Variants in KAZN observed in about 807,000 individuals in gnomAD.
KAZN encodes the protein kazrin, periplakin interacting protein.
KAZN carries 40 observed loss-of-function variants against 87.4 expected under a neutral mutation model. The observed-to-expected ratio is 0.46, with a 90% CI of 0.36 to 0.60. KAZN has a LOEUF of 0.60. KAZN is among the 20% of genes least tolerant of loss of function. The pLI, the probability that KAZN is intolerant of heterozygous loss-of-function variation, is 0.00. For missense variants in KAZN, 898 were observed against 1,073.9 expected (o/e 0.84, Z 2.29); for synonymous variants, 466 against 458.3 (o/e 1.02, Z -0.22).
intron 2 of KAZN, among the ~76,000 whole-genome samples, chr1:14,212,496 A>G (rs1646874070): frequency 6.6e-6 from 1 of 151,646 alleles, no homozygotes; most frequent in East Asian, 1.9e-4. Flanking sequence ...AAAAAAAAAA[A>G]GGTAAAATGA....
chr1:14,638,588 A>AC (rs1680186621), intron 1 of KAZN, among the ~76,000 whole-genome samples: 1 of 151,952 alleles, frequency 6.6e-6, no homozygotes, highest in African/African-American at 2.4e-5. Flanking sequence ...ACAAAAAAAA[A>AC]AAAACAAAAA....
chr1:14,935,773 G>A (rs1212548228), intron 1 of KAZN, among the ~76,000 whole-genome samples: 1 of 152,160 alleles, frequency 6.6e-6, no homozygotes, highest in African/African-American at 2.4e-5. Context: ...GGGGCTACTG[G>A]ATGTGTCACT....
intron 1 of KAZN, among the ~76,000 whole-genome samples, chr1:14,812,127 C>G (rs1363558548): frequency 6.6e-6 from 1 of 152,054 alleles, no homozygotes; most frequent in African/African-American, 2.4e-5. Context: ...ATGTTCAGCA[C>G]CTCCTCAGAA....
chr1:14,047,916 A>G (rs367997717), intron 1 of KAZN, among the ~76,000 whole-genome samples: 1 of 152,156 alleles, frequency 6.6e-6, no homozygotes, highest in Non-Finnish European at 1.5e-5. Flanking sequence ...AAAGAAAGAA[A>G]GAACAAAGGA....
At chr1:14,520,022 G>A (rs563270236) in intron 2 of KAZN, among the ~76,000 whole-genome samples, 1 of 152,278 alleles carries the variant, frequency 6.6e-6, no homozygotes, top group East Asian at 1.9e-4. Context: ...TGCCATAGGT[G>A]GTGGCAAGAA....
chr1:14,644,862 G>A (rs780040771), intron 1 of KAZN, among the ~76,000 whole-genome samples: 17 of 152,136 alleles, frequency 1.1e-4, no homozygotes, highest in South Asian at 6.2e-4. Flanking sequence ...TGTCTTTGTC[G>A]TGAAATCGTT....
At chr1:14,263,944 C>T (rs1053850382) in intron 2 of KAZN, among the ~76,000 whole-genome samples, 1 of 152,188 alleles carries the variant, frequency 6.6e-6, no homozygotes, top group Admixed American at 6.5e-5. Context: ...ACTGGTGGGT[C>T]GTCAGCTCCT....
intron 2 of KAZN, among the ~76,000 whole-genome samples, chr1:15,027,345 G>A (rs1238587798): frequency 6.6e-6 from 1 of 151,544 alleles, no homozygotes; most frequent in Non-Finnish European, 1.5e-5. Context: ...CTCCCAAAAT[G>A]CTGGGATGAC....
rs536239111 is a variant in KAZN at position 15,115,733 on chromosome 1, T to G, written c.*1098T>G. 1.3e-5 allele frequency: 2 copies of G among 152,226 alleles called. No homozygotes were observed. The highest frequency in any genetic ancestry group is 4.8e-5 in the African/African-American group (2 of 41,456). The allele number at this position is 152,226 out of a possible 1,614,324, so 9.4% of individuals were successfully genotyped here. A position where few individuals can be genotyped will look rare whatever the true frequency, so the allele number is the denominator to read the frequency against. On this transcript the variant is annotated 3_prime_UTR_variant, in exon 15 of 15. Coordinates refer to ENST00000376030, the MANE Select transcript of KAZN (RefSeq NM_201628.3). The surrounding 1 kb of genome is among the most constrained non-coding windows in gnomAD (Gnocchi z 4.1). ...TGCCACTGTTATGCTGTGTGGCTTC[T>G]TCCCAGTGGCCTCACCTCTCTGTGC...
At chr1:14,905,613 A>C (rs918703994) in intron 1 of KAZN, among the ~76,000 whole-genome samples, 42 of 152,344 alleles carry the variant, frequency 2.8e-4, no homozygotes, top group African/African-American at 8.9e-4. Context: ...TGGGAGGCTG[A>C]GGAGGGCGGA....
intron 1 of KAZN, among the ~76,000 whole-genome samples, chr1:14,105,464 C>A (rs947309458): frequency 6.6e-6 from 1 of 152,210 alleles, no homozygotes; most frequent in African/African-American, 2.4e-5. Flanking sequence ...GCTCCTGACC[C>A]AGACATTACT....
chr1:14,947,407 G>C (rs1316816541), intron 1 of KAZN, among the ~76,000 whole-genome samples: 1 of 152,232 alleles, frequency 6.6e-6, no homozygotes, highest in Non-Finnish European at 1.5e-5. Context: ...GCCTGGCCTT[G>C]GGGAGGGGAG....
intron 1 of KAZN, among the ~76,000 whole-genome samples, chr1:14,898,240 T>A (rs977484918): frequency 6.6e-6 from 1 of 152,124 alleles, no homozygotes; most frequent in Non-Finnish European, 1.5e-5. Context: ...AATGTTCATC[T>A]CTGGAAGAAA....
chr1:13,928,903 T>A (rs7535611), intron 1 of KAZN, among the ~76,000 whole-genome samples: 17,094 of 152,028 alleles, frequency 0.11, 1,073 homozygotes, highest in African/African-American at 0.15. Context: ...AGGCGATAGA[T>A]TCTAATCTTT....
intron 2 of KAZN, among the ~76,000 whole-genome samples, chr1:14,374,847 G>T (rs1660773261): frequency 6.6e-6 from 1 of 152,214 alleles, no homozygotes; most frequent in Admixed American, 6.5e-5. Flanking sequence ...GCCTGAATCT[G>T]TCCTGGAAAT....
chr1:14,324,782 T>C (rs531564023), intron 2 of KAZN, among the ~76,000 whole-genome samples: 1 of 152,358 alleles, frequency 6.6e-6, no homozygotes, highest in South Asian at 2.1e-4. Flanking sequence ...TATTATGTAA[T>C]AATTTGTCCA....
At chr1:14,216,584 A>G (rs185526575) in intron 2 of KAZN, among the ~76,000 whole-genome samples, 15 of 152,170 alleles carry the variant, frequency 9.9e-5, no homozygotes, top group African/African-American at 3.4e-4. Context: ...AAAGTTAGTA[A>G]AACTATACTG....
chr1:14,136,953 C>T (rs772267380), intron 1 of KAZN, among the ~76,000 whole-genome samples: 9 of 152,228 alleles, frequency 5.9e-5, no homozygotes, highest in South Asian at 2.1e-4. Context: ...GGCCACCCAA[C>T]GCCGAGGGAG....
intron 1 of KAZN, among the ~76,000 whole-genome samples, chr1:14,683,118 C>T (rs533766704): frequency 1.8e-4 from 28 of 152,250 alleles, no homozygotes; most frequent in Middle Eastern, 6.8e-3. Context: ...GAAATGTGAG[C>T]TGAAAGCCAT....
Sources: allele counts gnomAD v4.1 joint callset (sites outside exome capture counted in the v4.1 genomes callset), GRCh38; gene constraint gnomAD v4.1.1; non-coding constraint Gnocchi (gnomAD v3.1); transcripts MANE v1.5; gene names NCBI Gene and HGNC (gene_info 2026-07-23, HGNC 2026-07-21).